The following TTC7B variants were observed in gnomAD, a reference collection of about 807,000 sequenced individuals.
TTC7B encodes tetratricopeptide repeat protein 7B.
In TTC7B, 28 loss-of-function variants were observed where a neutral mutation model predicts 106.8. The observed-to-expected ratio is 0.26, with a 90% CI of 0.19 to 0.36. The LOEUF is 0.36. TTC7B is among the 10% of genes least tolerant of loss of function. The probability of loss-of-function intolerance (pLI) is 1.00; values close to 1 mark genes in which losing one functional copy is unlikely to be tolerated. For missense variants in TTC7B, 862 were observed against 1,076.4 expected (o/e 0.80, Z 2.79); for synonymous variants, 405 against 430.6 (o/e 0.94, Z 0.74).
intron 7 of TTC7B, among the ~76,000 whole-genome samples, chr14:90,683,865 G>A (rs1011578650): frequency 9.9e-5 from 15 of 152,088 alleles, no homozygotes; most frequent in African/African-American, 3.1e-4. Flanking sequence ...GCTTTGGTTC[G>A]GCCATCAAGA....
intron 6 of TTC7B, among the ~76,000 whole-genome samples, chr14:90,692,154 A>G (rs1019240237): frequency 1.3e-5 from 2 of 152,160 alleles, no homozygotes; most frequent in African/African-American, 4.8e-5. Flanking sequence ...TTTGGCTATC[A>G]TAAATAGTGC....
rs563626168 is a variant in TTC7B, at chr14:90,758,052, GC to G, written c.446-13131del. 1.7e-3 allele frequency among the ~76,000 whole-genome samples: 262 copies of G among 152,184 alleles called. 1 individual carries two copies. The highest frequency in any genetic ancestry group is 6.2e-3 in the African/African-American group (258 of 41,536). On this transcript the variant is annotated intron_variant, in intron 3 of 19. Coordinates refer to ENST00000328459, the MANE Select transcript of TTC7B (RefSeq NM_001010854.2). ...AAGGCTCAGCTGCTGCCTGCGAACA[GC>G]CAGGGCCTGTGAGTGTGAACGCCTC...
At chr14:90,574,605 T>C (rs537210271) in intron 19 of TTC7B, among the ~76,000 whole-genome samples, 1 of 152,340 alleles carries the variant, frequency 6.6e-6, no homozygotes, top group African/African-American at 2.4e-5. Context: ...AATACTAAAG[T>C]CACTCTTGCT....
chr14:90,584,158 G>A (rs1891622221), intron 18 of TTC7B, among the ~76,000 whole-genome samples: 1 of 152,164 alleles, frequency 6.6e-6, no homozygotes, highest in African/African-American at 2.4e-5. Context: ...TGCGCACAGA[G>A]GGCTTCCTGG....
At chr14:90,777,988 G>A (rs1891088122) in intron 3 of TTC7B, among the ~76,000 whole-genome samples, 1 of 152,180 alleles carries the variant, frequency 6.6e-6, no homozygotes, top group South Asian at 2.1e-4. Context: ...GGGGCAGAGA[G>A]AGGCTAAGGA....
chr14:90,644,963 C>G (rs771473982), intron 14 of TTC7B: 1 of 152,216 alleles, frequency 6.6e-6, no homozygotes, highest in African/African-American at 2.4e-5. Context: ...TCAAAATCAT[C>G]CAAGCACAAG....
chr14:90,735,810 A>C (rs1889500692), intron 4 of TTC7B, among the ~76,000 whole-genome samples: 1 of 152,168 alleles, frequency 6.6e-6, no homozygotes. Context: ...TCTCCAAATT[A>C]ATGTATGGAA....
rs1002085964 is a variant in TTC7B, at chr14:90,807,539, A to T, written c.121+8636T>A. On this transcript the variant is annotated intron_variant, in intron 1 of 19. Transcript: ENST00000328459. The surrounding 1 kb of genome is among the most constrained non-coding windows in gnomAD (Gnocchi z 4.1). ...CCCTGCTGCCCAGAGGTTGAGCGAC[A>T]ATCCTGAACTGTAAGTTTCCCTGCC... is the stretch of plus-strand genomic sequence containing the variant. Among the ~76,000 whole-genome samples, 2 of 152,298 alleles carry T rather than the reference A, an allele frequency of 1.3e-5. No homozygotes were observed. The highest frequency in any genetic ancestry group is 3.4e-3 in the Middle Eastern group (1 of 294).
At chr14:90,667,097 G>C (rs1886440314) in intron 9 of TTC7B, among the ~76,000 whole-genome samples, 1 of 152,198 alleles carries the variant, frequency 6.6e-6, no homozygotes, top group Non-Finnish European at 1.5e-5. Context: ...CTGGCTTGGG[G>C]CACTGGGTTT....
chr14:90,700,200 C>T (rs1317692370), intron 5 of TTC7B, among the ~76,000 whole-genome samples: 1 of 152,152 alleles, frequency 6.6e-6, no homozygotes, highest in African/African-American at 2.4e-5. Context: ...CAGTGGCATG[C>T]CCAGCCTAGC....
At chr14:90,552,274 C>T (rs796120955) in intron 19 of TTC7B, among the ~76,000 whole-genome samples, 2 of 152,252 alleles carry the variant, frequency 1.3e-5, no homozygotes, top group South Asian at 2.1e-4. Context: ...AGTTGAAGGA[C>T]CTTCTGGGCA....
intron 9 of TTC7B, among the ~76,000 whole-genome samples, chr14:90,672,030 CAT>C (rs1456706837): frequency 6.6e-6 from 1 of 152,242 alleles, no homozygotes; most frequent in East Asian, 1.9e-4. Context: ...GAGAGAGGAA[CAT>C]GTGCTGGCAG....
chr14:90,574,256 C>T (rs1276736864), intron 19 of TTC7B, among the ~76,000 whole-genome samples: 2 of 152,230 alleles, frequency 1.3e-5, no homozygotes, highest in Non-Finnish European at 2.9e-5. Context: ...TAAATTTATA[C>T]ACTTATGCAA....
Position 90,541,362 on chromosome 14 carries a change from G to T in TTC7B, c.*6C>A. The T allele has an allele frequency of 6.3e-7, 1 of 1,579,696 alleles. No homozygotes were observed. ...TGAGCGGCAGGTGAGGCTGGCAGGC[G>T]CCTGCTCAGAGCACGCGGGGGATGA... On this transcript the variant is annotated 3_prime_UTR_variant, in exon 20 of 20. Transcript: ENST00000328459.
chr14:90,796,460 T>C (rs1235491984), intron 1 of TTC7B, among the ~76,000 whole-genome samples: 2 of 152,176 alleles, frequency 1.3e-5, no homozygotes, highest in African/African-American at 4.8e-5. Flanking sequence ...CCCTGAGCCC[T>C]GTGGCTGGCA....
rs1889197046 is a variant in TTC7B at position 90,528,375 on chromosome 14, T to G, written c.*12993A>C. On this transcript the variant is annotated 3_prime_UTR_variant, in exon 20 of 20. Coordinates refer to ENST00000328459, the MANE Select transcript of TTC7B (RefSeq NM_001010854.2). ...TGACCACGCAAAGTGGTAGAGCAAC[T>G]TATTTTATTTTTGTCATTCTTTTGA... is the stretch of plus-strand genomic sequence containing the variant. The G allele has an allele frequency of 6.6e-6, 1 of 152,480 alleles. No homozygotes were observed. Among genetic ancestry groups the G allele is most frequent in the African/African-American group, 2.4e-5 (1 of 41,452 alleles). The allele number at this position is 152,480 out of a possible 1,614,324, so 9.4% of individuals were successfully genotyped here. A position where few individuals can be genotyped will look rare whatever the true frequency, so the allele number is the denominator to read the frequency against.
chr14:90,525,555 G>A lies in TTC7B; in HGVS notation c.*15813C>T, dbSNP rs1566752643. On this transcript the variant is annotated 3_prime_UTR_variant, in exon 20 of 20. Transcript: ENST00000328459. Reference sequence around the variant, plus strand: ...CCGGCTGCGTCTCCGGTCACCGAACGGGACGGCGGGATGGCGGGGTCGATC... The same window carrying A: ...CCGGCTGCGTCTCCGGTCACCGAACAGGACGGCGGGATGGCGGGGTCGATC... 1 of 151,260 alleles carries A rather than the reference G, an allele frequency of 6.6e-6. No homozygotes were observed. The highest frequency in any genetic ancestry group is 6.6e-5 in the Admixed American group (1 of 15,204). 9.4% of individuals were successfully genotyped at this position (151,260 alleles called of 1,614,324 possible).
rs528668216 is a variant in TTC7B, at chr14:90,530,001, A to T, written c.*11367T>A. 1.3e-5 allele frequency: 2 copies of T among 152,316 alleles called. No individual in the cohort carries two copies. Among genetic ancestry groups the T allele is most frequent in the East Asian group, 3.9e-4 (2 of 5,184 alleles). 9.4% of individuals were successfully genotyped at this position (152,316 alleles called of 1,614,324 possible). On this transcript the variant is annotated 3_prime_UTR_variant, in exon 20 of 20. Transcript: ENST00000328459. The stretch of plus-strand genomic sequence containing the variant: ...TATACTTGGCTGGGCGCTGTGGCTC[A>T]CGCCTGTAAGTAATCCCAGCACTTT...
chr14:90,712,839 TG>T (rs1316507622), intron 5 of TTC7B, among the ~76,000 whole-genome samples: 1 of 152,128 alleles, frequency 6.6e-6, no homozygotes, highest in Non-Finnish European at 1.5e-5. Context: ...AGAACTAAGT[TG>T]GAGGACTTAT....
Sources: allele counts gnomAD v4.1 joint callset (sites outside exome capture counted in the v4.1 genomes callset), GRCh38; gene constraint gnomAD v4.1.1; non-coding constraint Gnocchi (gnomAD v3.1); transcripts MANE v1.5; gene names NCBI Gene and HGNC (gene_info 2026-07-23, HGNC 2026-07-21).